Variants in SLC4A1 observed in about 807,000 individuals in gnomAD.
SLC4A1 encodes solute carrier family 4 member 1 (Diego blood group), also known as band 3 anion transport protein.
In SLC4A1, 29 loss-of-function variants were observed where a neutral mutation model predicts 93.1. The ratio of observed to expected loss-of-function variants is 0.31; its 90% CI spans 0.23 to 0.42. The LOEUF is 0.42. Among genes scored for constraint, SLC4A1 ranks in the 20% least tolerant of loss-of-function variants. SLC4A1 has a pLI of 1.00. For missense variants in SLC4A1, 965 were observed against 1,190.1 expected (o/e 0.81, Z 2.78); for synonymous variants, 469 against 497.2 (o/e 0.94, Z 0.76).
chr17:44,264,014 T>C (rs1391868396), intron 1 of SLC4A1, among the ~76,000 whole-genome samples: 2 of 152,100 alleles, frequency 1.3e-5, no homozygotes, highest in African/African-American at 2.4e-5. Context: ...TTCTTTTTTA[T>C]TTTTTTGAGA....
chr17:44,267,797 C>T (rs2047506742), intron 1 of SLC4A1, among the ~76,000 whole-genome samples: 1 of 152,006 alleles, frequency 6.6e-6, no homozygotes, highest in South Asian at 2.1e-4. Context: ...GGATCAGATA[C>T]CCCCCGCAAC....
chr17:44,251,184 A>G lies in SLC4A1; in HGVS notation c.2630T>C (p.Ile877Thr), dbSNP rs765911147. ...VPLRRVLLPL[I>T]FRNVELQCLD... is the part of the protein sequence containing the mutation. ...ACACTGAAGCTCCACGTTCCTGAAG[A>G]TGAGCGGCAGCAGGACGCGCCGCAG... Residue 877 changes from isoleucine to threonine, a missense_variant, in exon 19 of 20, where the codon ATC becomes ACC. This residue lies in a region of SLC4A1 where 770 missense variants were observed against 1,006.6 expected (regional missense o/e 0.76). Coordinates refer to ENST00000262418, the MANE Select transcript of SLC4A1 (RefSeq NM_000342.4). The G allele has an allele frequency of 8.4e-5, 136 of 1,610,076 alleles. No individual in the cohort carries two copies. Among genetic ancestry groups the G allele is most frequent in the Non-Finnish European group, 9.9e-5 (117 of 1,178,404 alleles).
Position 44,255,199 on chromosome 17 carries a change from G to T in SLC4A1, c.1890+8C>A. ...TATCATGGTCTGAGGGCTGGGAGGA[G>T]GGGTCACCTGGGTGTAGGTATCCTG... is the stretch of plus-strand genomic sequence containing the variant. On this transcript the variant is annotated splice_region_variant and intron_variant, in intron 15 of 19. Transcript: ENST00000262418. The T allele has an allele frequency of 6.5e-7, 1 of 1,549,056 alleles. No homozygotes were observed. Among genetic ancestry groups the T allele is most frequent in the Middle Eastern group, 1.7e-4 (1 of 5,982 alleles).
intron 3 of SLC4A1, 36 bp from the exon 4 acceptor site, chr17:44,261,672 GT>G (rs781444341): frequency 1.2e-6 from 2 of 1,613,918 alleles, no homozygotes; most frequent in Non-Finnish European, 1.7e-6. Context: ...TGACCTGACC[GT>G]CCCCCACCTG....
At chr17:44,264,490 G>A (rs1043530939) in intron 1 of SLC4A1, among the ~76,000 whole-genome samples, 1 of 152,086 alleles carries the variant, frequency 6.6e-6, no homozygotes, top group Non-Finnish European at 1.5e-5. Flanking sequence ...AAACCAATAC[G>A]TGGTTTCTTG....
At chr17:44,264,763 C>T (rs1258515947) in intron 1 of SLC4A1, among the ~76,000 whole-genome samples, 8 of 152,120 alleles carry the variant, frequency 5.3e-5, no homozygotes, top group African/African-American at 1.9e-4. Flanking sequence ...TCAGTTGTGT[C>T]CCTAGCAGAG....
Position 44,259,831 on chromosome 17 carries a change from T to A in SLC4A1, c.587A>T (p.Glu196Val), listed in dbSNP as rs764757003. The part of the protein sequence containing the change: ...QPLLPQHSSL[E>V]TQLFCEQGDG... ...CACCTGCTCACAGAAGAGCTGTGTC[T>A]CCAGTGAGGAGTGTTGGGGGAGCAG... is the stretch of plus-strand genomic sequence containing the variant. Residue 196 changes from glutamate to valine, a missense_variant, in exon 7 of 20, where the codon GAG (glutamate) becomes GTG (valine). Coordinates refer to ENST00000262418, the MANE Select transcript of SLC4A1 (RefSeq NM_000342.4). 1.2e-6 allele frequency: 2 copies of A among 1,613,856 alleles called. No homozygotes were observed. The highest frequency in any genetic ancestry group is 2.7e-5 in the African/African-American group (2 of 74,852).
chr17:44,248,921 G>A lies in SLC4A1; in HGVS notation c.*1537C>T. 1 of 233,614 alleles carries A rather than the reference G, an allele frequency of 4.3e-6. No homozygotes were observed. The highest frequency in any genetic ancestry group is 3.9e-5 in the South Asian group (1 of 25,734). 14.5% of individuals were successfully genotyped at this position (233,614 alleles called of 1,614,324 possible). Reference sequence around the variant, plus strand: ...GTTGCCCAGGCTGGAGTGCAGTGGTGCAATCTTGGCTCACTGCAACCTCCA... The same window carrying A: ...GTTGCCCAGGCTGGAGTGCAGTGGTACAATCTTGGCTCACTGCAACCTCCA... On this transcript the variant is annotated 3_prime_UTR_variant, in exon 20 of 20. Coordinates refer to ENST00000262418, the MANE Select transcript of SLC4A1 (RefSeq NM_000342.4).
At chr17:44,253,756 C>T (rs919100571) in intron 16 of SLC4A1, among the ~76,000 whole-genome samples, 3 of 152,088 alleles carry the variant, frequency 2.0e-5, no homozygotes, top group Admixed American at 1.3e-4. Flanking sequence ...ACTGCAACCT[C>T]TGCCTCCCGG....
intron 14 of SLC4A1, 55 bp downstream of exon 14, chr17:44,255,618 C>T (rs2047382016): frequency 6.4e-7 from 1 of 1,568,654 alleles, no homozygotes; most frequent in Non-Finnish European, 8.8e-7. Flanking sequence ...AGCGGGGGGG[C>T]TTTGGGCTGG....
chr17:44,259,259 C>T lies in SLC4A1; in HGVS notation c.780G>A (p.Val260=), dbSNP rs2047418943. The T allele has an allele frequency of 6.2e-7, 1 of 1,613,882 alleles. No homozygotes were observed. The highest frequency in any genetic ancestry group is 1.7e-5 in the Admixed American group (1 of 60,006). The part of the protein sequence containing the change: ...AAELEAVELP[V]PIRFLFVLLG... ...GCAACACAAAGAGGAAGCGTATAGGCACCGGCAGCTCCACCGCCTCCAGCT... is the reference window on the plus strand; with the variant it reads ...GCAACACAAAGAGGAAGCGTATAGGTACCGGCAGCTCCACCGCCTCCAGCT... Residue 260 remains valine, a synonymous_variant, in exon 9 of 20, where the codon GTG becomes GTA. Transcript: ENST00000262418.
chr17:44,259,774 C>CCCTGAA (rs759055557), intron 7 of SLC4A1, 35 bp downstream of exon 7: 22 of 1,612,856 alleles, frequency 1.4e-5, no homozygotes, highest in Middle Eastern at 1.6e-4. Flanking sequence ...CCTTGCCCCA[C>CCCTGAA]CCTGACCCTG....
rs67064853 is a variant in SLC4A1 at position 44,251,720 on chromosome 17, C to CTTTTTTTTTT, written c.2312-142_2312-133dup. On this transcript the variant is annotated intron_variant, in intron 17 of 19. Coordinates refer to ENST00000262418, the MANE Select transcript of SLC4A1 (RefSeq NM_000342.4). Reference sequence around the variant, plus strand: ...GCCATTTCTTTTTTCCTTTTCTTTTCTTTTTTTTTTTTTTTTTTTGTTTTT... The same window carrying CTTTTTTTTTT: ...GCCATTTCTTTTTTCCTTTTCTTTTCTTTTTTTTTTTTTTTTTTTTTTTTTTTTTGTTTTT... 3.8e-4 allele frequency: 148 copies of CTTTTTTTTTT among 392,888 alleles called. 13 individuals are homozygous for CTTTTTTTTTT. The highest frequency in any genetic ancestry group is 8.3e-4 in the Middle Eastern group (1 of 1,206). The allele number at this position is 392,888 out of a possible 1,614,324, so 24.3% of individuals were successfully genotyped here.
intron 16 of SLC4A1, 34 bp downstream of exon 16, chr17:44,254,454 GCCTCCCAC>G: frequency 6.7e-7 from 1 of 1,502,206 alleles, no homozygotes; most frequent in Non-Finnish European, 9.2e-7. Context: ...AAAGGTCCCT[GCCTCCCAC>G]CCTCCCAGGC....
chr17:44,266,868 G>A (rs1461457561), intron 1 of SLC4A1, among the ~76,000 whole-genome samples: 1 of 152,160 alleles, frequency 6.6e-6, no homozygotes, highest in African/African-American at 2.4e-5. Flanking sequence ...AGACACGGCG[G>A]GAGAGGGGAT....
rs1218863098 is a variant in SLC4A1, at chr17:44,258,684, C to A, written c.877-61G>T. 1.2e-5 allele frequency: 18 copies of A among 1,511,626 alleles called. No homozygotes were observed. The highest frequency in any genetic ancestry group is 9.6e-5 in the South Asian group (8 of 83,442). 93.6% of individuals were successfully genotyped at this position (1,511,626 alleles called of 1,614,324 possible). A position where few individuals can be genotyped will look rare whatever the true frequency, so the allele number is the denominator to read the frequency against. ...CTGCGGAGGGAAAGGACCCAGGAGT[C>A]CACAGCCAGGGCCTCCAGGAACCAG... On this transcript the variant is annotated intron_variant, in intron 9 of 19. Coordinates refer to ENST00000262418, the MANE Select transcript of SLC4A1 (RefSeq NM_000342.4). This position sits in a 1 kb window ranked among gnomAD's most constrained non-coding sequence, Gnocchi z 6.1.
In SLC4A1 at chr17:44,248,600, A is replaced by G. The variant is rs903611069; in HGVS notation, c.*1858T>C. 6.6e-6 allele frequency: 1 copy of G among 152,210 alleles called. No homozygotes were observed. The highest frequency in any genetic ancestry group is 1.5e-5 in the Non-Finnish European group (1 of 68,132). The allele number at this position is 152,210 out of a possible 1,614,324, so 9.4% of individuals were successfully genotyped here. A position where few individuals can be genotyped will look rare whatever the true frequency, so the allele number is the denominator to read the frequency against. ...TTCACCAACCAAGGCCTTTTCTTGC[A>G]CTGTCTCCTTTAATCCTTATAACAA... On this transcript the variant is annotated 3_prime_UTR_variant, in exon 20 of 20. Coordinates refer to ENST00000262418, the MANE Select transcript of SLC4A1 (RefSeq NM_000342.4).
rs567043810 is a variant in SLC4A1 at position 44,259,612 on chromosome 17, T to G, written c.610-31A>C. On this transcript the variant is annotated intron_variant, in intron 7 of 19. Transcript: ENST00000262418. ...GGAAGGAGGGTGGTGACGGGAGTCC[T>G]CGGGCCAGTCTGACCTGGGAGACCT... 2.5e-6 allele frequency: 4 copies of G among 1,579,150 alleles called. No individual in the cohort carries two copies. The East Asian group carries it at 9.0e-5, about 35-fold the overall frequency.
chr17:44,251,734 T>TG (rs2047344029), intron 17 of SLC4A1, 146 bp from the exon 18 acceptor site: 13 of 622,366 alleles, frequency 2.1e-5, no homozygotes, highest in Admixed American at 3.2e-5. Context: ...TTTTTTTTTT[T>TG]TTTTTGTTTT....
Sources: allele counts gnomAD v4.1 joint callset (sites outside exome capture counted in the v4.1 genomes callset), GRCh38; gene constraint gnomAD v4.1.1; regional missense constraint gnomAD v4.1.1; non-coding constraint Gnocchi (gnomAD v3.1); transcripts MANE v1.5; gene names NCBI Gene and HGNC (gene_info 2026-07-23, HGNC 2026-07-21).